PARL: variants seen among roughly 807,000 people sequenced by gnomAD.
PARL encodes presenilin-associated rhomboid-like protein, mitochondrial.
A neutral mutation model predicts 51.6 loss-of-function variants in PARL; 44 were observed. The observed-to-expected ratio is 0.85, with a 90% CI of 0.67 to 1.10. The LOEUF (loss-of-function observed/expected upper bound fraction) is 1.10. Ranked by LOEUF, PARL falls within the 50% of genes least tolerant of loss-of-function variation. The pLI, the probability that PARL is intolerant of heterozygous loss-of-function variation, is 0.00. For synonymous variants in PARL, 172 were observed against 164.0 expected, an observed-to-expected ratio of 1.05 and a Z score of -0.37; for missense variants, 441 against 469.5, an observed-to-expected ratio of 0.94 and a Z score of 0.56.
intron 1 of PARL, 63 bp downstream of exon 1, chr3:183,884,659 G>C: frequency 2.0e-6 from 3 of 1,530,938 alleles, no homozygotes; most frequent in Non-Finnish European, 2.7e-6. Context: ...CTCCGCCCCC[G>C]AGGATACACG....
At chr3:183,869,536 G>A (rs995817394) in intron 1 of PARL, among the ~76,000 whole-genome samples, 4 of 151,832 alleles carry the variant, frequency 2.6e-5, no homozygotes, top group Non-Finnish European at 5.9e-5. Context: ...GGATAATAAT[G>A]TATATTATTA....
In PARL at chr3:183,884,790, C is replaced by T. The variant is rs1399857870; in HGVS notation, c.57G>A (p.Ala19=). 1 of 1,592,584 alleles carries T rather than the reference C, an allele frequency of 6.3e-7. No homozygotes were observed. The highest frequency in any genetic ancestry group is 8.5e-7 in the Non-Finnish European group (1 of 1,176,114). Residue 19 remains alanine, a synonymous_variant, in exon 1 of 10, where the codon GCG becomes GCA. Transcript: ENST00000317096. ...CCTCGCAGCTGCGGCCGCCCACCGA[C>T]GCACCCCACGCCTGGCCGCAGCCCC... ...RGWGCGQAWG[A]SVGGRSCEEL...
At chr3:183,856,966 T>A (rs1253336206) in intron 4 of PARL, among the ~76,000 whole-genome samples, 1 of 152,234 alleles carries the variant, frequency 6.6e-6, no homozygotes, top group Admixed American at 6.5e-5. Flanking sequence ...CATTTCACTG[T>A]AGTAATATTC....
chr3:183,851,725 G>A (rs1057401020), intron 4 of PARL, among the ~76,000 whole-genome samples: 1 of 152,082 alleles, frequency 6.6e-6, no homozygotes, highest in African/African-American at 2.4e-5. Flanking sequence ...GTAAAAATGG[G>A]AAAGGAAGTA....
At chr3:183,835,763 A>ATCC (rs1399327604) in intron 7 of PARL, among the ~76,000 whole-genome samples, 1 of 152,124 alleles carries the variant, frequency 6.6e-6, no homozygotes, top group Non-Finnish European at 1.5e-5. Flanking sequence ...GCTACTCGGA[A>ATCC]GGCTGAGGTT....
chr3:183,861,176 G>A (rs1240830644), intron 4 of PARL: 4 of 561,710 alleles, frequency 7.1e-6, no homozygotes, highest in Non-Finnish European at 6.8e-6. Flanking sequence ...AAACAGATGT[G>A]CTACTAAAGA....
At chr3:183,830,353 G>T (rs1263743570) in intron 9 of PARL, among the ~76,000 whole-genome samples, 2 of 152,212 alleles carry the variant, frequency 1.3e-5, no homozygotes, top group African/African-American at 4.8e-5. Context: ...TCAGCAGACT[G>T]AGACTAGAAC....
At chr3:183,879,144 A>C (rs1162013390) in intron 1 of PARL, among the ~76,000 whole-genome samples, 2 of 152,210 alleles carry the variant, frequency 1.3e-5, no homozygotes, top group Non-Finnish European at 2.9e-5. Context: ...TACTCCCAGC[A>C]TCCATGCCCT....
At chr3:183,826,731 T>A (rs1227635602), downstream of PARL, 1 of 985,180 alleles carries the variant, frequency 1.0e-6, no homozygotes, top group African/African-American at 1.7e-5. Context: ...TAGAGGGAGA[T>A]CCTGGAAAAT....
intron 4 of PARL, among the ~76,000 whole-genome samples, chr3:183,849,302 TAAACTA>T (rs768755461): frequency 7.2e-5 from 11 of 152,138 alleles, no homozygotes; most frequent in East Asian, 1.9e-4. Flanking sequence ...TCAATAAACT[TAAACTA>T]AAACACTAAA....
intron 7 of PARL, among the ~76,000 whole-genome samples, chr3:183,837,784 A>AT (rs1728809102): frequency 6.6e-6 from 1 of 152,156 alleles, no homozygotes; most frequent in Non-Finnish European, 1.5e-5. Context: ...ATCACTCATC[A>AT]TATCAAGAAC....
Position 183,842,389 on chromosome 3 carries a change from C to T in PARL, c.666G>A (p.Met222Ile), listed in dbSNP as rs1729425339. 1 of 1,613,410 alleles carries T rather than the reference C, an allele frequency of 6.2e-7. No homozygotes were observed. Among genetic ancestry groups the T allele is most frequent in the Non-Finnish European group, 8.5e-7 (1 of 1,179,392 alleles). The change falls in exon 6 of 10, where the codon ATG becomes ATA. Residue 222 changes from methionine to isoleucine, a missense_variant. Transcript: ENST00000317096. ...TCCACAAAACATACATATTTGCTGC[C>T]ATGTGAAATAAGGAGAAATGACTGA... ...STFSHFSLFH[M>I]AANMYVLWSF...
chr3:183,862,697 C>T (rs1481296949), intron 4 of PARL, 56 bp downstream of exon 4: 2 of 1,374,604 alleles, frequency 1.5e-6, no homozygotes, highest in African/African-American at 1.4e-5. Context: ...CATACTGTAC[C>T]TTTTGGTTTG....
At chr3:183,878,297 T>A (rs1178980932) in intron 1 of PARL, among the ~76,000 whole-genome samples, 1 of 152,184 alleles carries the variant, frequency 6.6e-6, no homozygotes, top group African/African-American at 2.4e-5. Context: ...TGAGGCCGAC[T>A]CTGGACCTTG....
intron 7 of PARL, among the ~76,000 whole-genome samples, chr3:183,836,999 C>T (rs1168272747): frequency 6.6e-6 from 1 of 152,200 alleles, no homozygotes; most frequent in Non-Finnish European, 1.5e-5. Context: ...CCTCGGCCTC[C>T]CAAAGTGCTG....
intron 4 of PARL, among the ~76,000 whole-genome samples, chr3:183,853,236 A>G (rs59321941): frequency 0.21 from 32,228 of 152,150 alleles, 3,673 homozygotes; most frequent in East Asian, 0.46. Flanking sequence ...AATGTATCTG[A>G]AAAGGGGGTG....
rs949057505 is a variant in PARL, at chr3:183,861,611, A to C, written c.511+1142T>G. On this transcript the variant is annotated intron_variant, in intron 4 of 9. Coordinates refer to ENST00000317096, the MANE Select transcript of PARL (RefSeq NM_018622.7). Reference sequence around the variant, plus strand: ...ACAGTTTGAATGAAGAAAGATAAACACCCTTTCTCCACTTAAGTACAGAAA... The same window carrying C: ...ACAGTTTGAATGAAGAAAGATAAACCCCCTTTCTCCACTTAAGTACAGAAA... Among the ~76,000 whole-genome samples the C allele has an allele frequency of 3.9e-5, 6 of 152,194 alleles. No homozygotes were observed. The East Asian group carries it at 1.2e-3, about 29-fold the overall frequency.
At chr3:183,876,340 C>T (rs1439077620) in intron 1 of PARL, among the ~76,000 whole-genome samples, 1 of 152,042 alleles carries the variant, frequency 6.6e-6, no homozygotes, top group African/African-American at 2.4e-5. Flanking sequence ...ATCCACTGTG[C>T]CCAAACGGTT....
chr3:183,828,793 A>G (rs1379630740), downstream of PARL, among the ~76,000 whole-genome samples: 1 of 152,196 alleles, frequency 6.6e-6, no homozygotes, highest in Non-Finnish European at 1.5e-5. Flanking sequence ...GAAGCCATCA[A>G]AAGACTAAAA....
Sources: gnomAD v4.1 joint callset for allele counts (sites outside exome capture counted in the v4.1 genomes callset) on GRCh38, gnomAD v4.1.1 for gene constraint, MANE v1.5 for transcripts, NCBI Gene and HGNC (gene_info 2026-07-23, HGNC 2026-07-21) for gene names.